NEMP2: variants seen among roughly 807,000 people sequenced by gnomAD.
NEMP2 encodes nuclear envelope integral membrane protein 2.
A neutral mutation model predicts 54.2 loss-of-function variants in NEMP2; 53 were observed. The observed-to-expected ratio is 0.98, with a 90% CI of 0.78 to 1.23. The LOEUF is 1.23. Among genes scored for constraint, NEMP2 ranks in the 50% most tolerant of loss-of-function variants. NEMP2 has a pLI of 0.00. For synonymous variants in NEMP2, 197 were observed against 190.3 expected (o/e 1.04, Z -0.29); for missense variants, 455 against 511.3 (o/e 0.89, Z 1.06).
At chr2:190,599,773 C>T in the NEMP2 span, among the ~76,000 whole-genome samples, 4 of 152,150 alleles carry the variant, frequency 2.6e-5, no homozygotes, top group Non-Finnish European at 5.9e-5. Flanking sequence ...TTACCTATAG[C>T]AGGGATGACA....
the NEMP2 span, among the ~76,000 whole-genome samples, chr2:190,612,303 G>A: frequency 2.0e-5 from 3 of 151,906 alleles, no homozygotes; most frequent in South Asian, 2.1e-4. Context: ...CCACAGGTGC[G>A]TGCCACCACG....
chr2:190,574,335 G>A, the NEMP2 span, among the ~76,000 whole-genome samples: 1 of 152,056 alleles, frequency 6.6e-6, no homozygotes, highest in South Asian at 2.1e-4. Flanking sequence ...AAGCAGTTAA[G>A]ATATATGTGC....
the NEMP2 span, among the ~76,000 whole-genome samples, chr2:190,632,735 T>C: frequency 6.6e-6 from 1 of 152,014 alleles, no homozygotes; most frequent in Non-Finnish European, 1.5e-5. The surrounding 1 kb of genome is among the most constrained non-coding windows in gnomAD (Gnocchi z 4.8). Flanking sequence ...AACATTTCCA[T>C]AACTAAGGGG....
At chr2:190,594,563 T>C in the NEMP2 span, among the ~76,000 whole-genome samples, 2 of 152,170 alleles carry the variant, frequency 1.3e-5, no homozygotes, top group African/African-American at 4.8e-5. The surrounding 1 kb of genome is among the most constrained non-coding windows in gnomAD (Gnocchi z 5.6). Flanking sequence ...ATTCAAAAAA[T>C]ATTTATATTT....
At chr2:190,565,598 G>A in the NEMP2 span, among the ~76,000 whole-genome samples, 1 of 152,160 alleles carries the variant, frequency 6.6e-6, no homozygotes, top group African/African-American at 2.4e-5. Context: ...ATTTCACCCA[G>A]CCCCACGAGG....
downstream of NEMP2, chr2:190,500,337 A>G (rs1211578766): frequency 1.0e-6 from 1 of 994,046 alleles, no homozygotes; most frequent in East Asian, 2.6e-5. This position sits in a 1 kb window ranked among gnomAD's most constrained non-coding sequence, Gnocchi z 5.3. Flanking sequence ...ATATGCTTCT[A>G]AATATCTAAA....
chr2:190,590,185 C>T, the NEMP2 span, among the ~76,000 whole-genome samples: 2 of 152,186 alleles, frequency 1.3e-5, no homozygotes. This position sits in a 1 kb window ranked among gnomAD's most constrained non-coding sequence, Gnocchi z 5.1. Flanking sequence ...GGCATTGACC[C>T]ACCTGCAATG....
the NEMP2 span, among the ~76,000 whole-genome samples, chr2:190,621,386 G>C: frequency 6.6e-6 from 1 of 152,162 alleles, no homozygotes. Flanking sequence ...AGAAAAGGTA[G>C]AGTAAAAATA....
At chr2:190,430,769 C>A in the NEMP2 span, among the ~76,000 whole-genome samples, 662 of 151,412 alleles carry the variant, frequency 4.4e-3, 4 homozygotes, top group African/African-American at 0.015. Flanking sequence ...TCCTCACTTC[C>A]CAGAAGGGGC....
chr2:190,424,064 A>T, the NEMP2 span, among the ~76,000 whole-genome samples: 1 of 152,104 alleles, frequency 6.6e-6, no homozygotes, highest in Non-Finnish European at 1.5e-5. This position sits in a 1 kb window ranked among gnomAD's most constrained non-coding sequence, Gnocchi z 5.9. Flanking sequence ...GTTTCCAAGT[A>T]TTTTCTCACA....
chr2:190,499,672 G>C (rs1007593740), downstream of NEMP2, among the ~76,000 whole-genome samples: 1 of 152,342 alleles, frequency 6.6e-6, no homozygotes, highest in South Asian at 2.1e-4. This position sits in a 1 kb window ranked among gnomAD's most constrained non-coding sequence, Gnocchi z 6.0. Context: ...TTATTCCATA[G>C]TGCTTGCCCA....
rs1031865091 is a variant in NEMP2 at position 190,506,382 on chromosome 2, T to C, written c.*2807A>G. 2.6e-5 allele frequency: 4 copies of C among 152,210 alleles called. No homozygotes were observed. Among genetic ancestry groups the C allele is most frequent in the Admixed American group, 2.6e-4 (4 of 15,274 alleles). The allele number at this position is 152,210 out of a possible 1,614,324, so 9.4% of individuals were successfully genotyped here. On this transcript the variant is annotated 3_prime_UTR_variant, in exon 9 of 9. Transcript: ENST00000409150. The surrounding 1 kb of genome is among the most constrained non-coding windows in gnomAD (Gnocchi z 6.3). ...ATTTATAAAATTGTACATCTCTCAC[T>C]CTGGGAAACAATCACACATAGCATA...
chr2:190,468,619 A>AT, the NEMP2 span, among the ~76,000 whole-genome samples: 5,960 of 128,000 alleles, frequency 0.047, 218 homozygotes, highest in Middle Eastern at 0.15. Flanking sequence ...AGCCTGGCTA[A>AT]TTTTTTTTTT....
At chr2:190,604,620 AG>A in the NEMP2 span, among the ~76,000 whole-genome samples, 116 of 152,280 alleles carry the variant, frequency 7.6e-4, no homozygotes, top group African/African-American at 2.6e-3. This position sits in a 1 kb window ranked among gnomAD's most constrained non-coding sequence, Gnocchi z 4.5. Context: ...CACATTCTCA[AG>A]GTCACAGCAC....
the NEMP2 span, among the ~76,000 whole-genome samples, chr2:190,450,175 G>A: frequency 3.9e-5 from 6 of 152,036 alleles, no homozygotes; most frequent in South Asian, 4.1e-4. Flanking sequence ...AGTTTACTGC[G>A]TTTTTATTGT....
At position 190,513,907 on chromosome 2, in the gene NEMP2, T is replaced by C. The variant is rs1384132202; in HGVS notation, c.953+546A>G. 6.6e-6 allele frequency among the ~76,000 whole-genome samples: 1 copy of C among 152,000 alleles called. No individual in the cohort carries two copies. Among genetic ancestry groups the C allele is most frequent in the African/African-American group, 2.4e-5 (1 of 41,446 alleles). ...TCTGTGCACCTGACATGAAAACAGCTGCTCAGACTCAATGACTGAGGAGAA... is the reference window on the plus strand; with the variant it reads ...TCTGTGCACCTGACATGAAAACAGCCGCTCAGACTCAATGACTGAGGAGAA... On this transcript the variant is annotated intron_variant, in intron 7 of 8. Coordinates refer to ENST00000409150, the MANE Select transcript of NEMP2 (RefSeq NM_001142645.2). This position sits in a 1 kb window ranked among gnomAD's most constrained non-coding sequence, Gnocchi z 5.3.
chr2:190,458,423 G>T, the NEMP2 span, among the ~76,000 whole-genome samples: 1 of 151,902 alleles, frequency 6.6e-6, no homozygotes, highest in South Asian at 2.1e-4. The surrounding 1 kb of genome is among the most constrained non-coding windows in gnomAD (Gnocchi z 5.3). Flanking sequence ...CAACGAGAGG[G>T]GCCCTGGAGA....
chr2:190,486,408 A>C, the NEMP2 span, among the ~76,000 whole-genome samples: 5 of 152,198 alleles, frequency 3.3e-5, no homozygotes, highest in African/African-American at 1.2e-4. Flanking sequence ...CTATGATGCT[A>C]TCTCCTCTCT....
At chr2:190,587,401 G>A in the NEMP2 span, among the ~76,000 whole-genome samples, 1 of 152,154 alleles carries the variant, frequency 6.6e-6, no homozygotes, top group Admixed American at 6.5e-5. The surrounding 1 kb of genome is among the most constrained non-coding windows in gnomAD (Gnocchi z 5.4). Context: ...AGGAACAAAG[G>A]CAAAAACACG....
Sources: gnomAD v4.1 joint callset for allele counts (sites outside exome capture counted in the v4.1 genomes callset) on GRCh38, gnomAD v4.1.1 for gene constraint, Gnocchi (gnomAD v3.1) non-coding constraint, MANE v1.5 for transcripts, NCBI Gene and HGNC (gene_info 2026-07-23, HGNC 2026-07-21) for gene names.